TG: variants seen among roughly 807,000 people sequenced by gnomAD.
The protein encoded by TG is thyroid hormones.
A neutral mutation model predicts 324.7 loss-of-function variants in TG; 270 were observed. That is an observed-to-expected ratio of 0.83 (90% CI 0.75 to 0.92). The LOEUF (loss-of-function observed/expected upper bound fraction) is 0.92. Among genes scored for constraint, TG ranks in the 40% least tolerant of loss-of-function variants. The pLI is 0.00. For missense variants in TG, 3,591 were observed against 3,456.4 expected (o/e 1.04, Z -0.98); for synonymous variants, 1,401 against 1,327.0 (o/e 1.06, Z -1.21).
chr8:133,001,225 G>GC (rs34052396), intron 35 of TG, among the ~76,000 whole-genome samples: 35,071 of 152,066 alleles, frequency 0.23, 4,595 homozygotes, highest in Middle Eastern at 0.34. Context: ...GTGAATTTTG[G>GC]GGGGGACACA....
At chr8:133,101,237 A>G (rs1367742254) in intron 43 of TG, among the ~76,000 whole-genome samples, 1 of 152,234 alleles carries the variant, frequency 6.6e-6, no homozygotes, top group Non-Finnish European at 1.5e-5. Context: ...AAGAGGGCAC[A>G]GTGGACAACC....
At chr8:132,869,911 A>T in intron 3 of TG, 85 bp downstream of exon 3, 1 of 1,217,688 alleles carries the variant, frequency 8.2e-7, no homozygotes, top group Non-Finnish European at 1.2e-6. Context: ...TGGGTGGGTG[A>T]CTGAGCAGGT....
At chr8:132,987,371 G>A (rs1383168780) in intron 35 of TG, among the ~76,000 whole-genome samples, 9 of 152,080 alleles carry the variant, frequency 5.9e-5, no homozygotes, top group African/African-American at 1.2e-4. Flanking sequence ...GTCTATATGT[G>A]TATGTGTATG....
At chr8:132,903,160 G>A (rs1175298993) in intron 16 of TG, among the ~76,000 whole-genome samples, 3 of 152,092 alleles carry the variant, frequency 2.0e-5, no homozygotes, top group African/African-American at 7.2e-5. Context: ...ATTGAATGAA[G>A]AAAGAAAAAA....
intron 7 of TG, 63 bp downstream of exon 7, chr8:132,882,675 A>T: frequency 1.2e-6 from 2 of 1,613,856 alleles, no homozygotes; most frequent in Non-Finnish European, 1.7e-6. Flanking sequence ...TGGGTTTCAA[A>T]GTTGCTATGG....
At chr8:133,079,935 C>T (rs961571629) in intron 41 of TG, among the ~76,000 whole-genome samples, 1 of 151,494 alleles carries the variant, frequency 6.6e-6, no homozygotes, top group South Asian at 2.1e-4. Flanking sequence ...AAGTTTTGCC[C>T]CCTCTATGGC....
At chr8:132,934,672 G>A (rs982872240) in intron 24 of TG, among the ~76,000 whole-genome samples, 1 of 152,224 alleles carries the variant, frequency 6.6e-6, no homozygotes, top group African/African-American at 2.4e-5. Context: ...TGCAAAGCAA[G>A]AAGAGCTGTT....
rs532820263 is a variant in TG at position 132,978,084 on chromosome 8, G to A, written c.6200-5266G>A. On this transcript the variant is annotated intron_variant, in intron 34 of 47. Transcript: ENST00000220616. ...AAGACTGGGTAATTTATAAAGAAAA[G>A]AGGTTGATTTGGCTCATGGTTCTGC... Among the ~76,000 whole-genome samples, 11 of 152,348 alleles carry A rather than the reference G, an allele frequency of 7.2e-5. No homozygotes were observed. The South Asian group carries it at 2.1e-3, about 29-fold the overall frequency.
At chr8:132,919,603 A>T (rs922732877) in intron 21 of TG, 78 bp downstream of exon 21, 32 of 1,581,780 alleles carry the variant, frequency 2.0e-5, no homozygotes, top group Non-Finnish European at 2.7e-5. Context: ...CAATCTCTGC[A>T]CTATTGACAT....
In TG at chr8:133,054,007, T is replaced by C. The variant is rs148526578; in HGVS notation, c.7239+23984T>C. On this transcript the variant is annotated intron_variant, in intron 41 of 47. Coordinates refer to ENST00000220616, the MANE Select transcript of TG (RefSeq NM_003235.5). ...AAAGTCACTGGGAAGGTATTACAGT[T>C]TGGCTTGTACTTCTGTGGGGCAGGG... is the stretch of plus-strand genomic sequence containing the variant. Among the ~76,000 whole-genome samples the C allele has an allele frequency of 2.4e-3, 369 of 152,322 alleles. 2 individuals carry two copies. Among genetic ancestry groups the C allele is most frequent in the Middle Eastern group, 6.8e-3 (2 of 294 alleles).
At chr8:133,027,703 A>G (rs1334495717) in intron 40 of TG, among the ~76,000 whole-genome samples, 2 of 152,252 alleles carry the variant, frequency 1.3e-5, no homozygotes, top group African/African-American at 2.4e-5. Flanking sequence ...AATGCACATC[A>G]TAGATTTTTC....
chr8:132,907,480 G>A (rs1818858710), intron 17 of TG, among the ~76,000 whole-genome samples: 1 of 152,056 alleles, frequency 6.6e-6, no homozygotes, highest in Non-Finnish European at 1.5e-5. Context: ...ACCCACTCTG[G>A]GACCTGGCAC....
At chr8:133,091,468 C>T (rs1847517594) in intron 41 of TG, among the ~76,000 whole-genome samples, 1 of 152,166 alleles carries the variant, frequency 6.6e-6, no homozygotes, top group Non-Finnish European at 1.5e-5. Flanking sequence ...GCCCACCCCG[C>T]TTCTTGTTGC....
At chr8:133,045,768 G>A (rs1009160934) in intron 41 of TG, among the ~76,000 whole-genome samples, 3 of 152,098 alleles carry the variant, frequency 2.0e-5, no homozygotes, top group African/African-American at 7.2e-5. Flanking sequence ...AATGATTGTA[G>A]TTTGGTTGCA....
chr8:132,901,459 A>G lies in TG; in HGVS notation c.3540A>G (p.Gln1180=), dbSNP rs374725321. The G allele has an allele frequency of 3.1e-6, 5 of 1,614,196 alleles. No homozygotes were observed. Among genetic ancestry groups the G allele is most frequent in the African/African-American group, 2.7e-5 (2 of 75,056 alleles). The change falls in exon 16 of 48, where the codon CAA becomes CAG. Residue 1180 remains glutamine (Q), a synonymous_variant. Transcript: ENST00000220616. ...AGGATGGGGGCTTTTCCCCAGTGCA[A>G]TGTGACCAGGCCCAGGGCAGCTGCT... The part of the protein sequence containing the change: ...RAEDGGFSPV[Q]CDQAQGSCWC...
rs748298034 is a variant in TG at position 132,913,031 on chromosome 8, A to T, written c.4160-16A>T. ...GTACAGTGGGGGTGACCTCTACCTT[A>T]TCCTGTGTCTTACAGAGAGAGCCTT... On this transcript the variant is annotated splice_polypyrimidine_tract_variant and intron_variant, in intron 19 of 47. Transcript: ENST00000220616. The T allele has an allele frequency of 1.4e-5, 22 of 1,613,520 alleles. No individual in the cohort carries two copies. Among genetic ancestry groups the T allele is most frequent in the Non-Finnish European group, 1.7e-5 (20 of 1,179,686 alleles).
At chr8:132,931,662 T>G (rs1470937665) in intron 23 of TG, among the ~76,000 whole-genome samples, 3 of 152,152 alleles carry the variant, frequency 2.0e-5, no homozygotes. Context: ...CTTCTAACAC[T>G]GACTCAGAAC....
At chr8:132,928,618 C>T (rs1247322664) in intron 22 of TG, among the ~76,000 whole-genome samples, 2 of 152,216 alleles carry the variant, frequency 1.3e-5, no homozygotes, top group South Asian at 4.1e-4. Context: ...GCCTGAGCCA[C>T]ATGACATGTC....
intron 10 of TG, among the ~76,000 whole-genome samples, chr8:132,891,437 C>A (rs556968160): frequency 6.6e-6 from 1 of 152,122 alleles, no homozygotes; most frequent in South Asian, 2.1e-4. Flanking sequence ...CAGGCTCAAG[C>A]GATCCTCCCA....
Sources: gnomAD v4.1 joint callset for allele counts (sites outside exome capture counted in the v4.1 genomes callset) on GRCh38, gnomAD v4.1.1 for gene constraint, MANE v1.5 for transcripts, NCBI Gene and HGNC (gene_info 2026-07-23, HGNC 2026-07-21) for gene names.